The following MAT2A variants were observed in gnomAD, a reference collection of about 807,000 sequenced individuals.
MAT2A encodes the protein methionine adenosyltransferase 2A, also known as S-adenosylmethionine synthase isoform type-2.
In MAT2A, 3 loss-of-function variants were observed where a neutral mutation model predicts 43.9. The observed-to-expected ratio is 0.07, with a 90% confidence interval of 0.03 to 0.18. The LOEUF is 0.18. MAT2A is among the 10% of genes least tolerant of loss of function. The pLI is 1.00. For missense variants in MAT2A, 204 were observed against 489.0 expected, an observed-to-expected ratio of 0.42 and a Z score of 5.50; for synonymous variants, 200 against 168.4, an observed-to-expected ratio of 1.19 and a Z score of -1.45.
chr2:85,543,138 A>G (rs1363238596), intron 8 of MAT2A, 104 bp downstream of exon 8: 1 of 1,217,894 alleles, frequency 8.2e-7, no homozygotes, highest in African/African-American at 1.5e-5. Flanking sequence ...GACTCCTCAA[A>G]TGGGAATATA....
chr2:85,540,084 A>G (rs1239659196), intron 1 of MAT2A: 1 of 152,248 alleles, frequency 6.6e-6, no homozygotes, highest in Non-Finnish European at 1.5e-5. Context: ...GGAAGCATGA[A>G]TTAGGAGCTG....
intron 5 of MAT2A, 53 bp from the exon 6 acceptor site, chr2:85,542,102 A>C: frequency 2.5e-6 from 4 of 1,586,652 alleles, no homozygotes; most frequent in Non-Finnish European, 3.5e-6. Context: ...TAGAGAAACA[A>C]ATACAAAGTT....
chr2:85,543,384 G>T (rs1573309532), intron 8 of MAT2A: 1 of 424,012 alleles, frequency 2.4e-6, no homozygotes, highest in Non-Finnish European at 4.3e-6. Context: ...CGGGACCTTG[G>T]TAAGTATTGT....
chr2:85,540,828 A>C (rs1038454194), intron 1 of MAT2A, among the ~76,000 whole-genome samples: 5 of 152,226 alleles, frequency 3.3e-5, no homozygotes, highest in Admixed American at 3.3e-4. Context: ...CAGTTGTGGA[A>C]GTGAATATGA....
In MAT2A at chr2:85,544,693, C is replaced by T. The variant is rs1211335116; in HGVS notation, c.*921C>T. ...TTTTCTTTATAAGAAAGCCTGAGTA[C>T]TCCACACTGCACAATAACTCCTCCC... On this transcript the variant is annotated 3_prime_UTR_variant, in exon 9 of 9. Coordinates refer to ENST00000306434, the MANE Select transcript of MAT2A (RefSeq NM_005911.6). 6.6e-6 allele frequency: 1 copy of T among 152,394 alleles called. No individual in the cohort carries two copies. The highest frequency in any genetic ancestry group is 1.5e-5 in the Non-Finnish European group (1 of 68,016). 9.4% of individuals were successfully genotyped at this position (152,394 alleles called of 1,614,324 possible).
At position 85,541,389 on chromosome 2, in the gene MAT2A, T is replaced by C; in HGVS notation, c.292+12T>C. 6.2e-7 allele frequency: 1 copy of C among 1,606,946 alleles called. No individual in the cohort carries two copies. The highest frequency in any genetic ancestry group is 8.5e-7 in the Non-Finnish European group (1 of 1,177,848). ...TGATTCTTCCAAAGGTGTGTTTTAA[T>C]GATTTTGCTCATTTTTTTCTAGGTA... On this transcript the variant is annotated intron_variant, in intron 3 of 8. Transcript: ENST00000306434.
At chr2:85,540,373 T>C (rs1438596907) in intron 1 of MAT2A, among the ~76,000 whole-genome samples, 1 of 152,144 alleles carries the variant, frequency 6.6e-6, no homozygotes, top group South Asian at 2.1e-4. Flanking sequence ...ACAAGTAACT[T>C]AGTGGTATGA....
In MAT2A at chr2:85,542,960, C is replaced by G. The variant is rs752066000; in HGVS notation, c.1011C>G (p.Thr337=). 13 of 1,613,684 alleles carry G rather than the reference C, an allele frequency of 8.1e-6. No homozygotes were observed. Among genetic ancestry groups the G allele is most frequent in the Non-Finnish European group, 1.1e-5 (13 of 1,179,844 alleles). ...PLSISIFHYG[T]SQKSERELLE... ...CTATCTCCATTTTCCATTATGGTAC[C>G]TCTCAGAAGAGTGAGAGAGAGCTAT... Residue 337 remains threonine, a synonymous_variant, in exon 8 of 9, where the codon ACC becomes ACG. Transcript: ENST00000306434.
At chr2:85,541,452 T>G (rs1691474870) in intron 3 of MAT2A, 75 bp downstream of exon 3, 2 of 1,544,014 alleles carry the variant, frequency 1.3e-6, no homozygotes, top group Non-Finnish European at 1.8e-6. Context: ...AGAATGTTCC[T>G]GCTAATCCTA....
chr2:85,543,026 C>T lies in MAT2A; in HGVS notation c.1077C>T (p.Val359=). Residue 359 remains valine, a synonymous_variant, in exon 8 of 9, where the codon GTC becomes GTT. Coordinates refer to ENST00000306434, the MANE Select transcript of MAT2A (RefSeq NM_005911.6). The part of the protein sequence containing the change: ...VKKNFDLRPG[V]IVRDLDLKKP... ...AGAATTTCGATCTCCGCCCTGGGGT[C>T]ATTGTCAGGTAAAGATGGTAAAGCC... is the stretch of plus-strand genomic sequence containing the variant. 1 of 1,612,086 alleles carries T rather than the reference C, an allele frequency of 6.2e-7. No individual in the cohort carries two copies. The highest frequency in any genetic ancestry group is 8.5e-7 in the Non-Finnish European group (1 of 1,179,762).
intron 2 of MAT2A, 30 bp downstream of exon 2, chr2:85,541,190 G>A (rs1691468167): frequency 1.2e-6 from 2 of 1,612,348 alleles, no homozygotes; most frequent in African/African-American, 1.3e-5. Context: ...ATCAACTGGT[G>A]GAAAGATAGC....
rs139384269 is a variant in MAT2A, at chr2:85,541,019, G to GCATA, written c.92-50_92-47dup. ...ACAGATAGTAACAGGGAGGGAGCTT[G>GCATA]CATACATACATACATACTTTGTTTA... On this transcript the variant is annotated intron_variant, in intron 1 of 8. Transcript: ENST00000306434. 3,677 of 1,033,560 alleles carry GCATA rather than the reference G, an allele frequency of 3.6e-3. 74 individuals are homozygous for GCATA. In the African/African-American group the frequency reaches 0.052, roughly 15 times the overall value. The allele number at this position is 1,033,560 out of a possible 1,614,324, so 64.0% of individuals were successfully genotyped here. A position where few individuals can be genotyped will look rare whatever the true frequency, so the allele number is the denominator to read the frequency against.
In MAT2A at chr2:85,543,964, T is replaced by C; in HGVS notation, c.*192T>C. ...TAAGTTGGGCTTGCTATTCTGTCCC[T>C]AGGTGTTTTGTTCACCATTATAATG... On this transcript the variant is annotated 3_prime_UTR_variant, in exon 9 of 9. Coordinates refer to ENST00000306434, the MANE Select transcript of MAT2A (RefSeq NM_005911.6). 1 of 520,878 alleles carries C rather than the reference T, an allele frequency of 1.9e-6. No homozygotes were observed. The allele number at this position is 520,878 out of a possible 1,614,324, so 32.3% of individuals were successfully genotyped here.
intron 8 of MAT2A, 158 bp downstream of exon 8, chr2:85,543,192 CTT>C: frequency 3.8e-6 from 3 of 783,770 alleles, no homozygotes; most frequent in Non-Finnish European, 6.0e-6. Flanking sequence ...TTAGTGAAGA[CTT>C]AGTTATTTGA....
In MAT2A at chr2:85,542,666, C is replaced by G. The variant is rs777357586; in HGVS notation, c.870C>G (p.Val290=). 1.2e-6 allele frequency: 2 copies of G among 1,613,518 alleles called. No homozygotes were observed. ...GAFSGKDYTK[V]DRSAAYAARW... is the part of the protein sequence containing the mutation. Reference sequence around the variant, plus strand: ...TTTCAGGAAAGGATTATACCAAGGTCGACCGTTCAGCTGCTTATGCTGCTC... The same window carrying G: ...TTTCAGGAAAGGATTATACCAAGGTGGACCGTTCAGCTGCTTATGCTGCTC... Residue 290 remains valine (V), a synonymous_variant, in exon 7 of 9, where the codon GTC becomes GTG. Coordinates refer to ENST00000306434, the MANE Select transcript of MAT2A (RefSeq NM_005911.6).
chr2:85,542,826 G>A, intron 7 of MAT2A, 75 bp from the exon 8 acceptor site: 2 of 1,565,250 alleles, frequency 1.3e-6, no homozygotes, highest in South Asian at 2.3e-5. Flanking sequence ...TTAACTACTT[G>A]TTTTATACCA....
At chr2:85,541,514 A>G (rs997187626) in intron 3 of MAT2A, 119 bp from the exon 4 acceptor site, 2 of 1,319,492 alleles carry the variant, frequency 1.5e-6, no homozygotes, top group African/African-American at 3.0e-5. Flanking sequence ...TCATTCTCTA[A>G]AAGGTCCGAT....
At position 85,543,883 on chromosome 2, in the gene MAT2A, G is replaced by A. The variant is rs148739699; in HGVS notation, c.*111G>A. On this transcript the variant is annotated 3_prime_UTR_variant, in exon 9 of 9. Coordinates refer to ENST00000306434, the MANE Select transcript of MAT2A (RefSeq NM_005911.6). ...ATTTTCCTGTCCTCTTTCAGCTCCT[G>A]ACCAGTTGCAGTCACTCTAGTCAAT... is the stretch of plus-strand genomic sequence containing the variant. 410 of 642,272 alleles carry A rather than the reference G, an allele frequency of 6.4e-4. 2 individuals are homozygous for A. The highest frequency in any genetic ancestry group is 9.4e-4 in the Non-Finnish European group (342 of 365,494). 39.8% of individuals were successfully genotyped at this position (642,272 alleles called of 1,614,324 possible).
In MAT2A at chr2:85,544,648, T is replaced by C. The variant is rs1229375817; in HGVS notation, c.*876T>C. The C allele has an allele frequency of 6.6e-6, 1 of 152,564 alleles. No individual in the cohort carries two copies. The highest frequency in any genetic ancestry group is 1.5e-5 in the Non-Finnish European group (1 of 68,024). The allele number at this position is 152,564 out of a possible 1,614,324, so 9.5% of individuals were successfully genotyped here. On this transcript the variant is annotated 3_prime_UTR_variant, in exon 9 of 9. Transcript: ENST00000306434. The stretch of plus-strand genomic sequence containing the variant: ...CTGAGGGTCTGTAGGTTGCACACTT[T>C]GGTACCAGATAACTTTTTTTTTTCT...
Sources: allele counts gnomAD v4.1 joint callset (sites outside exome capture counted in the v4.1 genomes callset), GRCh38; gene constraint gnomAD v4.1.1; transcripts MANE v1.5; gene names NCBI Gene and HGNC (gene_info 2026-07-23, HGNC 2026-07-21).